The following ROCK2 variants were observed in gnomAD, a reference collection of about 807,000 sequenced individuals.
ROCK2 encodes rho-associated protein kinase 2.
A neutral mutation model predicts 195.1 loss-of-function variants in ROCK2; 61 were observed. The observed-to-expected ratio is 0.31, with a 90% CI of 0.25 to 0.39. The LOEUF is 0.39. Ranked by LOEUF, ROCK2 falls within the 10% of genes least tolerant of loss-of-function variation. ROCK2 has a pLI of 1.00. For synonymous variants in ROCK2, 504 were observed against 545.5 expected (o/e 0.92, Z 1.06); for missense variants, 1,109 against 1,637.4 (o/e 0.68, Z 5.57).
rs532596460 is a variant in ROCK2 at position 11,238,760 on chromosome 2, C to T, written c.463-2798G>A. ...ACTTGGGAGGCTGAGGTGGGAAGAT[C>T]GCTTGAGCCCAGGATTTTGAGGTTT... On this transcript the variant is annotated intron_variant, in intron 4 of 32. Transcript: ENST00000315872. 2.0e-5 allele frequency among the ~76,000 whole-genome samples: 3 copies of T among 152,182 alleles called. No homozygotes were observed. The East Asian group carries it at 5.8e-4, about 29-fold the overall frequency.
Position 11,181,212 on chromosome 2 carries a change from T to G in ROCK2, c.*2225A>C, listed in dbSNP as rs1295794276. 7.1e-6 allele frequency: 1 copy of G among 141,412 alleles called. No homozygotes were observed. The highest frequency in any genetic ancestry group is 2.5e-5 in the African/African-American group (1 of 39,304). 8.8% of individuals were successfully genotyped at this position (141,412 alleles called of 1,614,324 possible). A position where few individuals can be genotyped will look rare whatever the true frequency, so the allele number is the denominator to read the frequency against. On this transcript the variant is annotated 3_prime_UTR_variant, in exon 33 of 33. Transcript: ENST00000315872. ...TATATATATATATATATATATATAC[T>G]CTCCAATTCAGAATAGGATAGAACC...
chr2:11,287,573 T>G, intron 2 of ROCK2, 82 bp downstream of exon 2: 1 of 404,096 alleles, frequency 2.5e-6, no homozygotes, highest in Non-Finnish European at 4.5e-6. Context: ...ATTAATAAAT[T>G]TATAGGCTGA....
At chr2:11,290,109 GA>G (rs1207423985) in intron 1 of ROCK2, among the ~76,000 whole-genome samples, 1 of 151,898 alleles carries the variant, frequency 6.6e-6, no homozygotes, top group Admixed American at 6.6e-5. Flanking sequence ...CACCTTTTAA[GA>G]AAAAAATTCT....
At chr2:11,316,023 T>A (rs1668179601) in intron 1 of ROCK2, among the ~76,000 whole-genome samples, 1 of 152,084 alleles carries the variant, frequency 6.6e-6, no homozygotes, top group Non-Finnish European at 1.5e-5. Flanking sequence ...AATTTAGCCA[T>A]ATGTAGCTAA....
chr2:11,302,322 G>GT (rs1157754317), intron 1 of ROCK2, among the ~76,000 whole-genome samples: 13 of 149,950 alleles, frequency 8.7e-5, no homozygotes, highest in East Asian at 3.9e-4. Flanking sequence ...TTTTGTTGTT[G>GT]TTTTTTTTTT....
intron 1 of ROCK2, among the ~76,000 whole-genome samples, chr2:11,323,237 T>C (rs1225652143): frequency 1.3e-5 from 2 of 152,218 alleles, no homozygotes. Flanking sequence ...AATACTGTCT[T>C]AGAAATCTAC....
chr2:11,340,848 C>A (rs1325177847), intron 1 of ROCK2, among the ~76,000 whole-genome samples: 1 of 152,074 alleles, frequency 6.6e-6, no homozygotes, highest in Non-Finnish European at 1.5e-5. Context: ...TAAGAGTTTA[C>A]CCAAGCGTGA....
intron 10 of ROCK2, 149 bp downstream of exon 10, chr2:11,218,817 T>C (rs887729199): frequency 1.1e-4 from 60 of 523,098 alleles, no homozygotes; most frequent in African/African-American, 1.1e-3. Flanking sequence ...AAATCAATCA[T>C]TGCAATGCTA....
chr2:11,184,955 T>C (rs1663137570), intron 32 of ROCK2, among the ~76,000 whole-genome samples: 1 of 152,198 alleles, frequency 6.6e-6, no homozygotes, highest in Non-Finnish European at 1.5e-5. Flanking sequence ...TATAAATGCA[T>C]ATAATCATGT....
intron 18 of ROCK2, among the ~76,000 whole-genome samples, chr2:11,209,470 T>C (rs1456546602): frequency 3.3e-5 from 5 of 152,216 alleles, no homozygotes; most frequent in Non-Finnish European, 2.9e-5. Flanking sequence ...TCTTGTTTTT[T>C]AAAAAGCAAA....
At chr2:11,311,389 A>C (rs1668031405) in intron 1 of ROCK2, among the ~76,000 whole-genome samples, 1 of 152,202 alleles carries the variant, frequency 6.6e-6, no homozygotes, top group African/African-American at 2.4e-5. Context: ...GAAGTTGAGA[A>C]GCCTAAGAGA....
chr2:11,328,389 CAT>C (rs1446897328), intron 1 of ROCK2, among the ~76,000 whole-genome samples: 1 of 152,170 alleles, frequency 6.6e-6, no homozygotes, highest in East Asian at 1.9e-4. Context: ...CTGTTATACA[CAT>C]AGTTTTTCAA....
intron 3 of ROCK2, among the ~76,000 whole-genome samples, chr2:11,268,494 G>GTGTGTGTA (rs1666501874): frequency 1.3e-5 from 2 of 148,986 alleles, no homozygotes; most frequent in Non-Finnish European, 3.0e-5. Context: ...TTCCTTGTGT[G>GTGTGTGTA]TGTGTGTGTG....
chr2:11,332,538 A>C (rs1668802792), intron 1 of ROCK2, among the ~76,000 whole-genome samples: 1 of 152,268 alleles, frequency 6.6e-6, no homozygotes, highest in Non-Finnish European at 1.5e-5. Context: ...GGCCAACATC[A>C]TTTGTCATTG....
chr2:11,340,211 G>A (rs560815194), intron 1 of ROCK2, among the ~76,000 whole-genome samples: 2 of 152,208 alleles, frequency 1.3e-5, no homozygotes, highest in African/African-American at 4.8e-5. Flanking sequence ...AAATGCTCTT[G>A]AAAATCTGGG....
At chr2:11,248,110 C>T (rs758722767) in intron 4 of ROCK2, among the ~76,000 whole-genome samples, 127 of 148,658 alleles carry the variant, frequency 8.5e-4, no homozygotes, top group Non-Finnish European at 1.3e-3. Flanking sequence ...TCACTGCCTA[C>T]AATTTAAATA....
intron 1 of ROCK2, among the ~76,000 whole-genome samples, chr2:11,290,816 A>G (rs562181629): frequency 6.6e-6 from 1 of 152,272 alleles, no homozygotes; most frequent in African/African-American, 2.4e-5. Flanking sequence ...CACTCCTAAA[A>G]TAAGACACTG....
chr2:11,270,576 G>A lies in ROCK2; in HGVS notation c.324+15963C>T, dbSNP rs552088417. Among the ~76,000 whole-genome samples the A allele has an allele frequency of 3.3e-5, 5 of 152,184 alleles. No individual in the cohort carries two copies. The South Asian group carries it at 1.0e-3, about 32-fold the overall frequency. On this transcript the variant is annotated intron_variant, in intron 3 of 32. Transcript: ENST00000315872. ...CCTCTACATGCTTTCAGTTTTGGGTGTACCTATTGATATATCCTGAAACTT... is the reference window on the plus strand; with the variant it reads ...CCTCTACATGCTTTCAGTTTTGGGTATACCTATTGATATATCCTGAAACTT...
intron 1 of ROCK2, among the ~76,000 whole-genome samples, chr2:11,320,062 C>T (rs1668354194): frequency 6.6e-6 from 1 of 152,038 alleles, no homozygotes; most frequent in South Asian, 2.1e-4. Context: ...TAGCAAGCAC[C>T]AACACCAGCT....
Sources: gnomAD v4.1 joint callset for allele counts (sites outside exome capture counted in the v4.1 genomes callset) on GRCh38, gnomAD v4.1.1 for gene constraint, MANE v1.5 for transcripts, NCBI Gene and HGNC (gene_info 2026-07-23, HGNC 2026-07-21) for gene names.